FNTB: variants seen among roughly 807,000 people sequenced by gnomAD.
FNTB encodes the protein protein farnesyltransferase subunit beta.
In FNTB, 27 loss-of-function variants were observed where a neutral mutation model predicts 59.4. The ratio of observed to expected loss-of-function variants is 0.45; its 90% CI spans 0.34 to 0.63. The LOEUF (loss-of-function observed/expected upper bound fraction) is 0.63. FNTB is among the 20% of genes least tolerant of loss of function. The pLI is 0.02. For missense variants in FNTB, 449 were observed against 559.6 expected, an observed-to-expected ratio of 0.80 and a Z score of 1.99; for synonymous variants, 230 against 220.7, an observed-to-expected ratio of 1.04 and a Z score of -0.37.
chr14:65,024,804 A>G (rs1004435224), intron 4 of FNTB, among the ~76,000 whole-genome samples: 1 of 152,012 alleles, frequency 6.6e-6, no homozygotes, highest in Non-Finnish European at 1.5e-5. Context: ...TTTTTTGTAG[A>G]GCTGGGGTCT....
At chr14:65,052,165 T>TGA (rs2062631048) in intron 9 of FNTB, among the ~76,000 whole-genome samples, 2 of 152,200 alleles carry the variant, frequency 1.3e-5, no homozygotes, top group African/African-American at 4.8e-5. Context: ...TACAGTTACC[T>TGA]TATATGTCCA....
chr14:65,027,720 T>C lies in FNTB; in HGVS notation c.544T>C (p.Tyr182His). 10 of 1,614,224 alleles carry C rather than the reference T, an allele frequency of 6.2e-6. No individual in the cohort carries two copies. Among genetic ancestry groups the C allele is most frequent in the Non-Finnish European group, 8.5e-6 (10 of 1,180,050 alleles). ...CAGAGAGAAGCTTCTTCAGTATTTGTACTCCCTGAAGCAACCTGACGGCTC... is the reference window on the plus strand; with the variant it reads ...CAGAGAGAAGCTTCTTCAGTATTTGCACTCCCTGAAGCAACCTGACGGCTC... Reference protein sequence around the residue: ...INREKLLQYLYSLKQPDGSFL... With the variant: ...INREKLLQYLHSLKQPDGSFL... Residue 182 changes from tyrosine to histidine, a missense_variant, in exon 6 of 12, where the codon TAC (tyrosine) becomes CAC (histidine). Physicochemically the swap from Tyr to His is moderately conservative, Grantham distance 83. Transcript: ENST00000246166. The surrounding 1 kb of genome is among the most constrained non-coding windows in gnomAD (Gnocchi z 5.7).
At chr14:65,051,918 C>T (rs2062622912) in intron 9 of FNTB, among the ~76,000 whole-genome samples, 1 of 151,820 alleles carries the variant, frequency 6.6e-6, no homozygotes, top group South Asian at 2.1e-4. Context: ...CCTCAGCCTC[C>T]TGAGTAGCTG....
Position 65,047,099 on chromosome 14 carries a change from C to A in FNTB, c.955+2656C>A, listed in dbSNP as rs1028570501. 3.1e-4 allele frequency among the ~76,000 whole-genome samples: 47 copies of A among 152,184 alleles called. No individual in the cohort carries two copies. Among genetic ancestry groups the A allele is most frequent in the Admixed American group, 2.2e-3 (34 of 15,274 alleles). On this transcript the variant is annotated intron_variant, in intron 9 of 11. Coordinates refer to ENST00000246166, the MANE Select transcript of FNTB (RefSeq NM_002028.4). The surrounding 1 kb of genome is among the most constrained non-coding windows in gnomAD (Gnocchi z 5.2). ...GCAAAGGATCTGAAGAAAGAGGTCC[C>A]AGTGAAAGAACTGTCCTTCTTACTT...
At chr14:65,045,123 A>C (rs753836549) in intron 9 of FNTB, among the ~76,000 whole-genome samples, 1 of 152,062 alleles carries the variant, frequency 6.6e-6, no homozygotes, top group Non-Finnish European at 1.5e-5. Context: ...AAGTCTGGGA[A>C]CATTCTCTCT....
At position 65,007,177 on chromosome 14, in the gene FNTB, A is replaced by C. The variant is rs529567494; in HGVS notation, c.209+2864A>C. Among the ~76,000 whole-genome samples, 127 of 152,372 alleles carry C rather than the reference A, an allele frequency of 8.3e-4. 7 individuals carry two copies. In the South Asian group the frequency reaches 0.024, roughly 28 times the overall value. The stretch of plus-strand genomic sequence containing the variant: ...TGAAGGCAAACATCACCATCATAGA[A>C]TAAGCGAGGATATAAGAATAAATTA... On this transcript the variant is annotated intron_variant, in intron 2 of 11. Transcript: ENST00000246166. This position sits in a 1 kb window ranked among gnomAD's most constrained non-coding sequence, Gnocchi z 4.9.
chr14:65,017,248 G>A (rs1257320861), intron 4 of FNTB, among the ~76,000 whole-genome samples: 1 of 152,040 alleles, frequency 6.6e-6, no homozygotes, highest in Non-Finnish European at 1.5e-5. Context: ...ATACCAGCTC[G>A]GGGGCCTGGG....
intron 4 of FNTB, among the ~76,000 whole-genome samples, chr14:65,024,633 G>C (rs2061947580): frequency 6.6e-6 from 1 of 152,174 alleles, no homozygotes; most frequent in Non-Finnish European, 1.5e-5. Context: ...GCAGCTTTCA[G>C]TCATATTCTA....
At position 64,994,868 on chromosome 14, in the gene FNTB, C is replaced by CT. The variant is rs917393494; in HGVS notation, c.144+7777dup. 3.3e-5 allele frequency among the ~76,000 whole-genome samples: 5 copies of CT among 152,076 alleles called. No individual in the cohort carries two copies. The highest frequency in any genetic ancestry group is 1.9e-4 in the East Asian group (1 of 5,194). On this transcript the variant is annotated intron_variant, in intron 1 of 11. Transcript: ENST00000246166. The surrounding 1 kb of genome is among the most constrained non-coding windows in gnomAD (Gnocchi z 4.2). ...AAGCTACACTAAATTTATTCATACGCTTTTTTCTTTCAATAATAAATTAAA... is the reference window on the plus strand; with the variant it reads ...AAGCTACACTAAATTTATTCATACGCTTTTTTTCTTTCAATAATAAATTAAA...
intron 7 of FNTB, among the ~76,000 whole-genome samples, chr14:65,037,402 C>CTTTTTTTTTTTTTTTTTT: frequency 1.0e-3 from 15 of 14,532 alleles, no homozygotes; most frequent in Admixed American, 3.5e-3. Flanking sequence ...CACGCCGGGC[C>CTTTTTTTTTTTTTTTTTT]CTTTTTTTTT....
intron 7 of FNTB, among the ~76,000 whole-genome samples, chr14:65,036,392 A>G (rs2062194102): frequency 6.6e-6 from 1 of 150,918 alleles, no homozygotes. Context: ...GTATGCCACC[A>G]CACCTGGCTA....
At chr14:65,046,841 A>C (rs1484377060) in intron 9 of FNTB, among the ~76,000 whole-genome samples, 1 of 107,528 alleles carries the variant, frequency 9.3e-6, no homozygotes, top group Non-Finnish European at 1.9e-5. Flanking sequence ...GTGAAGTTAC[A>C]GGTGATGTTT....
At chr14:64,999,970 A>G (rs534783077) in intron 1 of FNTB, among the ~76,000 whole-genome samples, 16 of 152,298 alleles carry the variant, frequency 1.1e-4, no homozygotes, top group Non-Finnish European at 1.9e-4. Flanking sequence ...GTCTTAGCTT[A>G]GAAATAAACC....
intron 3 of FNTB, among the ~76,000 whole-genome samples, chr14:65,013,080 C>T (rs2061709148): frequency 6.6e-6 from 1 of 152,152 alleles, no homozygotes; most frequent in Non-Finnish European, 1.5e-5. Context: ...AGTCTTTCTG[C>T]CCTGCTTAAC....
Position 65,031,852 on chromosome 14 carries a change from C to T in FNTB, c.606-758C>T, listed in dbSNP as rs745704723. ...AGGAGAATTGCTTGAACCCAGGAGGCGGAGGTTGCAGTGAGCTGAGATCAT... is the reference window on the plus strand; with the variant it reads ...AGGAGAATTGCTTGAACCCAGGAGGTGGAGGTTGCAGTGAGCTGAGATCAT... On this transcript the variant is annotated intron_variant, in intron 6 of 11. Coordinates refer to ENST00000246166, the MANE Select transcript of FNTB (RefSeq NM_002028.4). This position sits in a 1 kb window ranked among gnomAD's most constrained non-coding sequence, Gnocchi z 4.6. Among the ~76,000 whole-genome samples the T allele has an allele frequency of 3.3e-5, 5 of 152,028 alleles. No homozygotes were observed. Among genetic ancestry groups the T allele is most frequent in the African/African-American group, 7.2e-5 (3 of 41,414 alleles).
rs538790063 is a variant in FNTB at position 64,998,444 on chromosome 14, G to A, written c.145-5805G>A. On this transcript the variant is annotated intron_variant, in intron 1 of 11. Transcript: ENST00000246166. ...TAAGATAATTATTATTGGCTACAAG[G>A]ATCAGTAACAAGTGTGACCAGTCTG... Among the ~76,000 whole-genome samples, 5 of 144,138 alleles carry A rather than the reference G, an allele frequency of 3.5e-5. No homozygotes were observed. The South Asian group carries it at 6.7e-4, about 19-fold the overall frequency. The allele number at this position is 144,138 out of a possible 152,430, so 94.6% of individuals were successfully genotyped here. A position where few individuals can be genotyped will look rare whatever the true frequency, so the allele number is the denominator to read the frequency against.
intron 9 of FNTB, among the ~76,000 whole-genome samples, chr14:65,052,622 T>G (rs2062640856): frequency 6.6e-6 from 1 of 152,194 alleles, no homozygotes; most frequent in Non-Finnish European, 1.5e-5. Context: ...GTCAGTACCT[T>G]AGTAGTATTA....
chr14:65,031,318 GTGTT>G lies in FNTB; in HGVS notation c.606-1286_606-1283del, dbSNP rs1373319648. On this transcript the variant is annotated intron_variant, in intron 6 of 11. Transcript: ENST00000246166. This position sits in a 1 kb window ranked among gnomAD's most constrained non-coding sequence, Gnocchi z 4.6. ...CCTAAATCAAGTATAATAATTTTTT[GTGTT>G]TGTTTTTTTTTTTGAGACAGAGTCT... Among the ~76,000 whole-genome samples, 1 of 151,202 alleles carries G rather than the reference GTGTT, an allele frequency of 6.6e-6. No individual in the cohort carries two copies. Among genetic ancestry groups the G allele is most frequent in the African/African-American group, 2.4e-5 (1 of 41,160 alleles).
chr14:65,029,905 G>T lies in FNTB; in HGVS notation c.605+2124G>T, dbSNP rs537580951. On this transcript the variant is annotated intron_variant, in intron 6 of 11. Transcript: ENST00000246166. This position sits in a 1 kb window ranked among gnomAD's most constrained non-coding sequence, Gnocchi z 4.7. Reference sequence around the variant, plus strand: ...GGTTTCAGGGCTGGAGGGAGAGAGAGCAGGAAGACTGATCCAGGTTGAAGA... The same window carrying T: ...GGTTTCAGGGCTGGAGGGAGAGAGATCAGGAAGACTGATCCAGGTTGAAGA... Among the ~76,000 whole-genome samples the T allele has an allele frequency of 6.6e-6, 1 of 152,356 alleles. No homozygotes were observed. The highest frequency in any genetic ancestry group is 1.9e-4 in the East Asian group (1 of 5,184).
Sources: gnomAD v4.1 joint callset for allele counts (sites outside exome capture counted in the v4.1 genomes callset) on GRCh38, gnomAD v4.1.1 for gene constraint, Gnocchi (gnomAD v3.1) non-coding constraint, MANE v1.5 for transcripts, NCBI Gene and HGNC (gene_info 2026-07-23, HGNC 2026-07-21) for gene names.